Variants in RALYL observed in about 807,000 individuals in gnomAD.
RALYL encodes RALY RNA binding protein like, also known as RNA-binding Raly-like protein.
Under a neutral mutation model 35.1 loss-of-function variants are expected in RALYL, and 29 were observed. That is an observed-to-expected ratio of 0.83 (90% CI 0.61 to 1.13). The LOEUF is 1.13. Among genes scored for constraint, RALYL ranks in the 50% most tolerant of loss-of-function variants. The pLI, the probability that RALYL is intolerant of heterozygous loss-of-function variation, is 0.00. For missense variants in RALYL, 359 were observed against 360.4 expected, an observed-to-expected ratio of 1.00 and a Z score of 0.03; for synonymous variants, 120 against 127.6, an observed-to-expected ratio of 0.94 and a Z score of 0.40.
At chr8:84,387,272 A>G (rs1443733686) in intron 1 of RALYL, among the ~76,000 whole-genome samples, 1 of 151,842 alleles carries the variant, frequency 6.6e-6, no homozygotes, top group Non-Finnish European at 1.5e-5. Flanking sequence ...TGTAATGATT[A>G]CTGAATGGCC....
intron 2 of RALYL, among the ~76,000 whole-genome samples, chr8:84,625,778 C>T (rs1588609010): frequency 6.6e-6 from 1 of 152,076 alleles, no homozygotes; most frequent in Admixed American, 6.6e-5. Flanking sequence ...AAGAATAAAG[C>T]AAAGAGTGGT....
chr8:84,585,352 G>A (rs1402780688), intron 2 of RALYL, among the ~76,000 whole-genome samples: 2 of 151,990 alleles, frequency 1.3e-5, no homozygotes, highest in African/African-American at 2.4e-5. Flanking sequence ...GATTGTGTGA[G>A]CCCATTAAAT....
chr8:84,335,867 G>A (rs1030088243), intron 1 of RALYL, among the ~76,000 whole-genome samples: 4 of 151,978 alleles, frequency 2.6e-5, no homozygotes, highest in Non-Finnish European at 5.9e-5. Flanking sequence ...AGAGGCCCTT[G>A]AAACATCCAG....
intron 2 of RALYL, among the ~76,000 whole-genome samples, chr8:84,549,426 GC>G (rs1275187309): frequency 3.3e-5 from 5 of 152,118 alleles, no homozygotes; most frequent in South Asian, 4.1e-4. Context: ...TGATGACATA[GC>G]TCTAAACAAA....
At chr8:84,460,014 A>T (rs1487895943) in intron 1 of RALYL, among the ~76,000 whole-genome samples, 1 of 151,920 alleles carries the variant, frequency 6.6e-6, no homozygotes, top group East Asian at 1.9e-4. Context: ...CAAGGTTTAA[A>T]GATGTTGAAG....
At chr8:84,721,295 CAA>C (rs2132640315) in intron 2 of RALYL, among the ~76,000 whole-genome samples, 1 of 152,050 alleles carries the variant, frequency 6.6e-6, no homozygotes, top group African/African-American at 2.4e-5. Flanking sequence ...GTTATATACC[CAA>C]AAGAAATGAA....
At chr8:84,475,654 A>G (rs911961448) in intron 1 of RALYL, among the ~76,000 whole-genome samples, 1 of 152,192 alleles carries the variant, frequency 6.6e-6, no homozygotes, top group Non-Finnish European at 1.5e-5. Flanking sequence ...TAGCTGGTAG[A>G]TTAAACAATT....
chr8:84,569,272 C>G (rs1161001246), intron 2 of RALYL, among the ~76,000 whole-genome samples: 1 of 151,956 alleles, frequency 6.6e-6, no homozygotes, highest in Non-Finnish European at 1.5e-5. Context: ...ATATGGCTAG[C>G]CAGTTTTCCC....
rs549692158 is a variant in RALYL at position 84,411,895 on chromosome 8, G to A, written c.-23-117404G>A. On this transcript the variant is annotated intron_variant, in intron 1 of 8. Transcript: ENST00000521268. ...ATGTCACCTTTGCCACTTACAAGCT[G>A]TATGACAATTGTCAAAGACTTAAAC... is the stretch of plus-strand genomic sequence containing the variant. Among the ~76,000 whole-genome samples, 3 of 152,032 alleles carry A rather than the reference G, an allele frequency of 2.0e-5. No homozygotes were observed. In the South Asian group the frequency reaches 6.2e-4, roughly 31 times the overall value.
At chr8:84,702,597 C>G (rs1301877706) in intron 2 of RALYL, among the ~76,000 whole-genome samples, 4 of 150,412 alleles carry the variant, frequency 2.7e-5, no homozygotes, top group African/African-American at 9.8e-5. Flanking sequence ...TTCCTCTTTC[C>G]CTCTCCCTCC....
chr8:84,312,675 T>C (rs1335525581), intron 1 of RALYL, among the ~76,000 whole-genome samples: 10 of 152,236 alleles, frequency 6.6e-5, no homozygotes, highest in African/African-American at 2.4e-4. Context: ...CAGGGCATGC[T>C]GATGCAAAGG....
At chr8:84,352,510 A>T (rs76138515) in intron 1 of RALYL, among the ~76,000 whole-genome samples, 5,931 of 150,288 alleles carry the variant, frequency 0.039, 341 homozygotes, top group East Asian at 0.13. Context: ...CCTATTTTAC[A>T]AATGAGGAAA....
intron 8 of RALYL, among the ~76,000 whole-genome samples, chr8:84,912,981 A>AGGATGGATGGAT (rs1191228454): frequency 8.6e-4 from 104 of 121,282 alleles, no homozygotes; most frequent in African/African-American, 2.3e-3. Flanking sequence ...GTGCAGACCC[A>AGGATGGATGGAT]GGATGGATGG....
At chr8:84,665,881 C>G (rs2131728478) in intron 2 of RALYL, 1 of 152,064 alleles carries the variant, frequency 6.6e-6, no homozygotes, top group East Asian at 1.9e-4. Context: ...CAAGTCTTGA[C>G]TAAGCCATCT....
chr8:84,479,061 A>G (rs983183620), intron 1 of RALYL, among the ~76,000 whole-genome samples: 15 of 117,748 alleles, frequency 1.3e-4, no homozygotes, highest in African/African-American at 4.1e-4. Flanking sequence ...ACTCCAGCCT[A>G]GGTGACAGAG....
At chr8:84,767,605 C>T (rs753688254) in intron 2 of RALYL, among the ~76,000 whole-genome samples, 23 of 152,206 alleles carry the variant, frequency 1.5e-4, no homozygotes, top group Admixed American at 2.6e-4. Flanking sequence ...CAAGTGGGGG[C>T]GTGCCAGGCA....
chr8:84,707,565 A>G (rs567942157), intron 2 of RALYL, among the ~76,000 whole-genome samples: 2 of 152,164 alleles, frequency 1.3e-5, no homozygotes, highest in Non-Finnish European at 2.9e-5. Flanking sequence ...TGTGAATTAC[A>G]TGAGACAAGT....
chr8:84,893,823 C>T (rs550596024), intron 8 of RALYL, among the ~76,000 whole-genome samples: 2 of 152,296 alleles, frequency 1.3e-5, no homozygotes, highest in African/African-American at 4.8e-5. Flanking sequence ...CTTTTGAATT[C>T]TACTTATAAT....
At chr8:84,817,188 T>A (rs1335057052) in intron 4 of RALYL, among the ~76,000 whole-genome samples, 1 of 152,090 alleles carries the variant, frequency 6.6e-6, no homozygotes, top group Non-Finnish European at 1.5e-5. Context: ...CACGAACCCA[T>A]TTTCCTTGAG....
Sources: gnomAD v4.1 joint callset for allele counts (sites outside exome capture counted in the v4.1 genomes callset) on GRCh38, gnomAD v4.1.1 for gene constraint, MANE v1.5 for transcripts, NCBI Gene and HGNC (gene_info 2026-07-23, HGNC 2026-07-21) for gene names.